The following KANK1 variants were observed in gnomAD, a reference collection of about 807,000 sequenced individuals.
KANK1 encodes the protein KN motif and ankyrin repeat domains 1.
Under a neutral mutation model 106.2 loss-of-function variants are expected in KANK1, and 109 were observed. The observed-to-expected ratio is 1.03, with a 90% CI of 0.88 to 1.20. KANK1 has a LOEUF of 1.20. Ranked by LOEUF, KANK1 falls within the 50% of genes most tolerant of loss-of-function variation. KANK1 has a pLI of 0.00. For missense variants in KANK1, 2,399 were observed against 1,710.7 expected (o/e 1.40, Z -7.10); for synonymous variants, 873 against 652.2 (o/e 1.34, Z -5.16).
chr9:479,529 G>A (rs1290267026), intron 3 of KANK1, among the ~76,000 whole-genome samples: 1 of 94,020 alleles, frequency 1.1e-5, no homozygotes, highest in Non-Finnish European at 1.8e-5. Context: ...GGAGTTAGAT[G>A]TGACTCACTG....
rs1373863156 is a variant in KANK1 at position 555,518 on chromosome 9, T to C, written c.-84+50764T>C. 3.3e-5 allele frequency among the ~76,000 whole-genome samples: 5 copies of C among 152,230 alleles called. No individual in the cohort carries two copies. In the East Asian group the frequency reaches 7.7e-4, roughly 23 times the overall value. On this transcript the variant is annotated intron_variant, in intron 1 of 11. Coordinates refer to ENST00000382297, the MANE Select transcript of KANK1 (RefSeq NM_015158.5). ...CAGATACCAATTAGGTAAAATACTA[T>C]AGTTTGTATATGATGGGGATTATCC...
At chr9:500,242 CA>C (rs529001230), upstream of KANK1, among the ~76,000 whole-genome samples, 34 of 152,294 alleles carry the variant, frequency 2.2e-4, no homozygotes, top group South Asian at 3.9e-3. Flanking sequence ...CTACACGTGT[CA>C]AACATCTCTC....
intron 2 of KANK1, among the ~76,000 whole-genome samples, chr9:691,150 A>G (rs945428124): frequency 6.6e-6 from 1 of 152,234 alleles, no homozygotes; most frequent in East Asian, 1.9e-4. Context: ...ATTTGCATAC[A>G]ATGACTTTTT....
At chr9:503,011 T>A (rs975371187), upstream of KANK1, among the ~76,000 whole-genome samples, 850 of 140,194 alleles carry the variant, frequency 6.1e-3, 41 homozygotes, top group East Asian at 0.13. Context: ...ATTTTTTTTT[T>A]TTTTTTTTTT....
At chr9:637,134 C>T (rs1837335961) in intron 1 of KANK1, among the ~76,000 whole-genome samples, 1 of 152,182 alleles carries the variant, frequency 6.6e-6, no homozygotes, top group Admixed American at 6.5e-5. Flanking sequence ...ATCAGCAGAG[C>T]CTCTCCTAGG....
rs186614046 is a variant in KANK1, at chr9:580,149, T to C, written c.-84+75395T>C. Among the ~76,000 whole-genome samples, 242 of 152,252 alleles carry C rather than the reference T, an allele frequency of 1.6e-3. 2 individuals carry two copies. Among genetic ancestry groups the C allele is most frequent in the African/African-American group, 5.5e-3 (229 of 41,518 alleles). On this transcript the variant is annotated intron_variant, in intron 1 of 11. Transcript: ENST00000382297. ...GTCTCACTGGCTTCAGGAGTGAAGC[T>C]GCAGACCTTCGCGGTGAGTGTAACA...
At chr9:660,906 A>G (rs1843148852) in intron 1 of KANK1, among the ~76,000 whole-genome samples, 1 of 152,176 alleles carries the variant, frequency 6.6e-6, no homozygotes. Context: ...GACATGCCCT[A>G]GCTAAGGGAT....
At chr9:656,750 T>A (rs993535696) in intron 1 of KANK1, among the ~76,000 whole-genome samples, 1 of 152,146 alleles carries the variant, frequency 6.6e-6, no homozygotes, top group African/African-American at 2.4e-5. Flanking sequence ...AAGCAGAGAA[T>A]GTTCTGAGTC....
At chr9:726,931 G>C (rs1005911610) in intron 3 of KANK1, among the ~76,000 whole-genome samples, 1 of 152,220 alleles carries the variant, frequency 6.6e-6, no homozygotes, top group Non-Finnish European at 1.5e-5. Flanking sequence ...CTGCACTCCA[G>C]CCTGGGCAAC....
chr9:504,443 C>G (rs1250623098), upstream of KANK1, among the ~76,000 whole-genome samples: 1 of 151,596 alleles, frequency 6.6e-6, no homozygotes, highest in East Asian at 2.0e-4. Flanking sequence ...CGGCCGGCTC[C>G]GCGGTACAAA....
Position 713,110 on chromosome 9 carries a change from G to A in KANK1, c.2344G>A (p.Gly782Arg). ...VGLKMRTIAC[G>R]PPQLTVGLTA... is the part of the protein sequence containing the mutation. ...TCTCAAAATGAGGACTATAGCTTGTGGGCCACCACAGTTGACTGTGGGGCT... is the reference window on the plus strand; with the variant it reads ...TCTCAAAATGAGGACTATAGCTTGTAGGCCACCACAGTTGACTGTGGGGCT... Residue 782 changes from glycine to arginine, a missense_variant, in exon 3 of 12, where the codon GGG (glycine) becomes AGG (arginine). Coordinates refer to ENST00000382297, the MANE Select transcript of KANK1 (RefSeq NM_015158.5). 1.2e-6 allele frequency: 2 copies of A among 1,607,776 alleles called. No homozygotes were observed. Among genetic ancestry groups the A allele is most frequent in the Non-Finnish European group, 1.7e-6 (2 of 1,175,544 alleles).
intron 1 of KANK1, among the ~76,000 whole-genome samples, chr9:586,522 CGA>C (rs769217750): frequency 6.6e-6 from 1 of 152,020 alleles, no homozygotes; most frequent in Non-Finnish European, 1.5e-5. Context: ...AAGGTAATGA[CGA>C]GAGAGATGAC....
intron 2 of KANK1, among the ~76,000 whole-genome samples, chr9:704,590 C>T (rs1295982855): frequency 6.6e-6 from 1 of 152,114 alleles, no homozygotes; most frequent in Non-Finnish European, 1.5e-5. Flanking sequence ...TTTGCCATGG[C>T]CACCCCTATT....
At chr9:534,326 G>A (rs1290179913) in intron 1 of KANK1, among the ~76,000 whole-genome samples, 2 of 152,166 alleles carry the variant, frequency 1.3e-5, no homozygotes, top group African/African-American at 2.4e-5. Flanking sequence ...ATTGTGCTCG[G>A]TTGGCTACAT....
intron 1 of KANK1, among the ~76,000 whole-genome samples, chr9:595,256 A>AGGG (rs1415147869): frequency 7.4e-4 from 112 of 151,890 alleles, no homozygotes; most frequent in Non-Finnish European, 1.2e-3. Context: ...TCTACTTTTA[A>AGGG]AATGTGGTGA....
At chr9:533,189 C>T (rs998107408) in intron 1 of KANK1, among the ~76,000 whole-genome samples, 14 of 152,124 alleles carry the variant, frequency 9.2e-5, no homozygotes, top group African/African-American at 3.1e-4. Flanking sequence ...TTAATTTTTT[C>T]AGTAAAATTC....
chr9:609,146 A>G (rs1830011852), intron 1 of KANK1, among the ~76,000 whole-genome samples: 2 of 152,302 alleles, frequency 1.3e-5, no homozygotes, highest in East Asian at 1.9e-4. Context: ...ATAAATAGCA[A>G]TTGGCTTTAC....
Position 518,601 on chromosome 9 carries a change from T to TG in KANK1, c.-84+13849dup, listed in dbSNP as rs1210016951. ...AAGAAATATTGATATTGTCATTCCGTGGTGTTTAAGTGTGTAAAGAGGAGG... is the reference window on the plus strand; with the variant it reads ...AAGAAATATTGATATTGTCATTCCGTGGGTGTTTAAGTGTGTAAAGAGGAGG... On this transcript the variant is annotated intron_variant, in intron 1 of 11. Coordinates refer to ENST00000382297, the MANE Select transcript of KANK1 (RefSeq NM_015158.5). Among the ~76,000 whole-genome samples the TG allele has an allele frequency of 2.6e-5, 4 of 151,812 alleles. No individual in the cohort carries two copies. The East Asian group carries it at 7.7e-4, about 29-fold the overall frequency.
chr9:606,279 G>A (rs1156291567), intron 1 of KANK1, among the ~76,000 whole-genome samples: 2 of 149,280 alleles, frequency 1.3e-5, no homozygotes, highest in Non-Finnish European at 2.9e-5. Context: ...TGGGGGTGGT[G>A]GGGGCGGTGG....
Sources: allele counts gnomAD v4.1 joint callset (sites outside exome capture counted in the v4.1 genomes callset), GRCh38; gene constraint gnomAD v4.1.1; transcripts MANE v1.5; gene names NCBI Gene and HGNC (gene_info 2026-07-23, HGNC 2026-07-21).